KLHL4: variants seen among roughly 807,000 people sequenced by gnomAD.
The protein encoded by KLHL4 is kelch like family member 4.
KLHL4 carries 17 observed loss-of-function variants against 45.8 expected under a neutral mutation model. The ratio of observed to expected loss-of-function variants is 0.37; its 90% confidence interval spans 0.25 to 0.56. KLHL4 has a LOEUF of 0.56. Ranked by LOEUF, KLHL4 falls within the 20% of genes least tolerant of loss-of-function variation. The pLI is 0.79. For synonymous variants in KLHL4, 224 were observed against 189.9 expected (o/e 1.18, Z -1.47); for missense variants, 544 against 544.9 (o/e 1.00, Z 0.02).
chrX:87,648,273 T>C (rs2147834546), intron 9 of KLHL4, among the ~76,000 whole-genome samples: 1 of 111,643 alleles, frequency 9.0e-6, no homozygotes, highest in African/African-American at 3.2e-5. Context: ...ACAGACATAA[T>C]TGTGGAATGG....
At chrX:87,553,201 TG>T (rs1212707819) in intron 1 of KLHL4, among the ~76,000 whole-genome samples, 2 of 110,892 alleles carry the variant, frequency 1.8e-5, no homozygotes, top group Non-Finnish European at 3.8e-5. Context: ...TGACAGTGTT[TG>T]TGGAGGACAG....
At chrX:87,646,675 G>T (rs1263678603) in intron 9 of KLHL4, among the ~76,000 whole-genome samples, 1 of 111,612 alleles carries the variant, frequency 9.0e-6, no homozygotes, top group Non-Finnish European at 1.9e-5. Context: ...ATGGTGCTGG[G>T]ATAATTGGCA....
chrX:87,624,336 C>G (rs1309791539), intron 5 of KLHL4, among the ~76,000 whole-genome samples: 1 of 111,571 alleles, frequency 9.0e-6, no homozygotes, highest in South Asian at 3.7e-4. Context: ...TAAAAGGTGA[C>G]CTTACAAATA....
chrX:87,617,354 C>CA lies in KLHL4; in HGVS notation c.728-568dup, dbSNP rs59763049. Reference sequence around the variant, plus strand: ...ACATCTTTACCAGCTAATGTAGATACAAAAAAAAAAGGCATAAAAGTTCAG... The same window carrying CA: ...ACATCTTTACCAGCTAATGTAGATACAAAAAAAAAAAGGCATAAAAGTTCAG... On this transcript the variant is annotated intron_variant, in intron 3 of 10. Coordinates refer to ENST00000373119, the MANE Select transcript of KLHL4 (RefSeq NM_019117.5). Among the ~76,000 whole-genome samples, 383 of 96,012 alleles carry CA rather than the reference C, an allele frequency of 4.0e-3. 3 individuals are homozygous for CA. The South Asian group carries it at 0.053, about 13-fold the overall frequency. The allele number at this position is 96,012 out of a possible 115,157, so 83.4% of individuals were successfully genotyped here.
intron 1 of KLHL4, among the ~76,000 whole-genome samples, chrX:87,524,919 C>T (rs1931078444): frequency 9.0e-6 from 1 of 111,674 alleles, no homozygotes; most frequent in Non-Finnish European, 1.9e-5. Context: ...TTTCCTAAGT[C>T]AGCAATAAAG....
intron 4 of KLHL4, among the ~76,000 whole-genome samples, chrX:87,619,188 T>C (rs1489035205): frequency 8.9e-6 from 1 of 111,851 alleles, no homozygotes; most frequent in Non-Finnish European, 1.9e-5. Context: ...CAAAAAGCAA[T>C]TGCATACAAG....
chrX:87,614,370 A>G (rs1922483779), intron 2 of KLHL4, 64 bp from the exon 3 acceptor site: 2 of 1,076,437 alleles, frequency 1.9e-6, no homozygotes, highest in Admixed American at 4.5e-5. Flanking sequence ...TGCTGAATCC[A>G]TTTCATGCTT....
chrX:87,597,490 C>T (rs765837663), intron 1 of KLHL4, among the ~76,000 whole-genome samples: 5 of 111,181 alleles, frequency 4.5e-5, no homozygotes, highest in Non-Finnish European at 9.5e-5. Flanking sequence ...AGGTCTTAAA[C>T]TTTATTTCTC....
In KLHL4 at chrX:87,521,010, T is replaced by C. The variant is rs149103220; in HGVS notation, c.422+2695T>C. On this transcript the variant is annotated intron_variant, in intron 1 of 10. Coordinates refer to ENST00000373119, the MANE Select transcript of KLHL4 (RefSeq NM_019117.5). ...GATTTCCTCTTTGTGTTCGAAGACA[T>C]TGAATAAAGTGCAAATGAACCATTT... Among the ~76,000 whole-genome samples the C allele has an allele frequency of 9.0e-3, 1,008 of 111,971 alleles. 5 individuals carry two copies. The highest frequency in any genetic ancestry group is 0.014 in the Non-Finnish European group (719 of 53,142).
At chrX:87,650,109 AT>A (rs908289675) in intron 9 of KLHL4, among the ~76,000 whole-genome samples, 9 of 110,094 alleles carry the variant, frequency 8.2e-5, no homozygotes, top group East Asian at 2.8e-4. Context: ...GTATTGATAT[AT>A]TTTTTTTAAT....
chrX:87,642,914 C>G (rs944275341), intron 9 of KLHL4, among the ~76,000 whole-genome samples: 1 of 111,478 alleles, frequency 9.0e-6, no homozygotes, highest in Admixed American at 9.5e-5. Flanking sequence ...GTTAAACAAC[C>G]AAACCTAACA....
At chrX:87,531,317 T>C (rs2147766379) in intron 1 of KLHL4, among the ~76,000 whole-genome samples, 1 of 110,975 alleles carries the variant, frequency 9.0e-6, no homozygotes, top group South Asian at 3.9e-4. Flanking sequence ...TTGCTTTTGG[T>C]GTTTTAGACA....
At chrX:87,622,935 A>G (rs750296646) in intron 5 of KLHL4, among the ~76,000 whole-genome samples, 9 of 112,241 alleles carry the variant, frequency 8.0e-5, no homozygotes, top group African/African-American at 2.9e-4. Context: ...AGATGATTCT[A>G]AGAACAAACA....
At chrX:87,661,382 T>C (rs1217262998) in intron 9 of KLHL4, among the ~76,000 whole-genome samples, 1 of 111,638 alleles carries the variant, frequency 9.0e-6, no homozygotes, top group Non-Finnish European at 1.9e-5. Context: ...TTTAATTAAA[T>C]AATCATTTTT....
At chrX:87,633,236 T>A (rs1344980728) in intron 7 of KLHL4, among the ~76,000 whole-genome samples, 2 of 111,747 alleles carry the variant, frequency 1.8e-5, no homozygotes, top group Non-Finnish European at 3.8e-5. Context: ...AGAAATGGGC[T>A]ATTCATAATA....
chrX:87,644,014 C>T (rs1049394708), intron 9 of KLHL4, among the ~76,000 whole-genome samples: 19 of 111,252 alleles, frequency 1.7e-4, no homozygotes, highest in Non-Finnish European at 2.6e-4. Context: ...CCACTGTCTG[C>T]ACTCCTCTTC....
chrX:87,566,961 G>A (rs1932225410), intron 1 of KLHL4, among the ~76,000 whole-genome samples: 2 of 110,798 alleles, frequency 1.8e-5, no homozygotes, highest in Non-Finnish European at 3.8e-5. Flanking sequence ...TAACTAATAA[G>A]TACTACGCTT....
At chrX:87,585,932 T>A (rs1921455382) in intron 1 of KLHL4, among the ~76,000 whole-genome samples, 1 of 110,806 alleles carries the variant, frequency 9.0e-6, no homozygotes, top group African/African-American at 3.3e-5. Context: ...GATGGAAAAA[T>A]ATATTCCATG....
intron 1 of KLHL4, among the ~76,000 whole-genome samples, chrX:87,549,347 T>A (rs763846506): frequency 1.8e-5 from 2 of 111,329 alleles, no homozygotes; most frequent in South Asian, 7.5e-4. Context: ...CACCCAATGT[T>A]CAGCATTGGA....
Sources: gnomAD v4.1 joint callset for allele counts (sites outside exome capture counted in the v4.1 genomes callset) on GRCh38, gnomAD v4.1.1 for gene constraint, MANE v1.5 for transcripts, NCBI Gene and HGNC (gene_info 2026-07-23, HGNC 2026-07-21) for gene names.